Variants in MLF1 observed in about 807,000 individuals in gnomAD.
The protein encoded by MLF1 is myeloid leukemia factor 1, also known as myelodysplasia-myeloid leukemia factor 1.
Under a neutral mutation model 38.3 loss-of-function variants are expected in MLF1, and 37 were observed. That is an observed-to-expected ratio of 0.96 (90% CI 0.74 to 1.27). The LOEUF is 1.27. Among genes scored for constraint, MLF1 ranks in the 50% most tolerant of loss-of-function variants. The pLI is 0.00. For missense variants in MLF1, 331 were observed against 349.2 expected (o/e 0.95, Z 0.42); for synonymous variants, 95 against 106.5 (o/e 0.89, Z 0.66).
At chr3:158,571,481 C>A in intron 1 of MLF1, 134 bp downstream of exon 1, 2 of 1,081,164 alleles carry the variant, frequency 1.8e-6, no homozygotes, top group African/African-American at 1.6e-5. Flanking sequence ...TTGAAGGAGA[C>A]GAGGATTTGG....
intron 5 of MLF1, among the ~76,000 whole-genome samples, chr3:158,599,663 A>T (rs574248846): frequency 6.6e-6 from 1 of 152,304 alleles, no homozygotes; most frequent in Non-Finnish European, 1.5e-5. Flanking sequence ...CTGATGAATA[A>T]TTAGTTGCCC....
At chr3:158,591,582 T>C (rs1189996458) in intron 1 of MLF1, among the ~76,000 whole-genome samples, 1 of 152,150 alleles carries the variant, frequency 6.6e-6, no homozygotes, top group Non-Finnish European at 1.5e-5. Context: ...GGCCAGACTA[T>C]TGGAGAGGGA....
intron 1 of MLF1, among the ~76,000 whole-genome samples, chr3:158,590,033 T>A (rs1488408337): frequency 6.6e-6 from 1 of 152,188 alleles, no homozygotes; most frequent in Non-Finnish European, 1.5e-5. Context: ...CAAAATGTGG[T>A]AAAAACTGAA....
chr3:158,599,217 A>G (rs550468388), intron 5 of MLF1, among the ~76,000 whole-genome samples: 72 of 152,270 alleles, frequency 4.7e-4, no homozygotes, highest in African/African-American at 1.7e-3. Flanking sequence ...ATGGCTCCTT[A>G]TACAGAGTCT....
At chr3:158,582,813 C>A in intron 1 of MLF1, 1 of 657,678 alleles carries the variant, frequency 1.5e-6, no homozygotes, top group Non-Finnish European at 2.7e-6. Context: ...AATTTGTTGA[C>A]AGTAGACCTG....
Position 158,602,922 on chromosome 3 carries a change from C to T in MLF1, c.729C>T (p.Ser243=), listed in dbSNP as rs1318324347. 1 of 1,610,442 alleles carries T rather than the reference C, an allele frequency of 6.2e-7. No individual in the cohort carries two copies. The highest frequency in any genetic ancestry group is 8.5e-7 in the Non-Finnish European group (1 of 1,178,402). Reference sequence around the variant, plus strand: ...GTGTTGGCCATGAGAATCCTGGCTCCCGAGAACTTAAAAGAAGGTAAAAGT... The same window carrying T: ...GTGTTGGCCATGAGAATCCTGGCTCTCGAGAACTTAAAAGAAGGTAAAAGT... ...MRSVGHENPG[S]RELKRREKPQ... is the part of the protein sequence containing the mutation. Residue 243 remains serine, a synonymous_variant, in exon 7 of 8, where the codon TCC becomes TCT. Transcript: ENST00000466246.
At chr3:158,597,631 G>A (rs954301741) in intron 4 of MLF1, among the ~76,000 whole-genome samples, 4 of 152,226 alleles carry the variant, frequency 2.6e-5, no homozygotes, top group African/African-American at 7.2e-5. Flanking sequence ...TAGTAATGTA[G>A]CAATCTGGTA....
intron 1 of MLF1, among the ~76,000 whole-genome samples, chr3:158,577,525 A>G (rs1715647364): frequency 6.6e-6 from 1 of 152,234 alleles, no homozygotes; most frequent in Non-Finnish European, 1.5e-5. Context: ...TAAGACCCTG[A>G]ATACCTACTG....
At chr3:158,601,861 T>A (rs1350063940) in intron 6 of MLF1, among the ~76,000 whole-genome samples, 3 of 134,040 alleles carry the variant, frequency 2.2e-5, no homozygotes, top group Non-Finnish European at 4.6e-5. Context: ...CAGGCTGGAG[T>A]GCAGTGGTGC....
At chr3:158,602,315 T>C (rs886587525) in intron 6 of MLF1, among the ~76,000 whole-genome samples, 1 of 152,224 alleles carries the variant, frequency 6.6e-6, no homozygotes, top group Non-Finnish European at 1.5e-5. Flanking sequence ...TCTCTATTGT[T>C]GCTATTATGG....
At chr3:158,590,225 C>T (rs1717919157) in intron 1 of MLF1, among the ~76,000 whole-genome samples, 1 of 152,098 alleles carries the variant, frequency 6.6e-6, no homozygotes, top group South Asian at 2.1e-4. Context: ...AAAGACGGTT[C>T]TATCAAAGAA....
At position 158,597,394 on chromosome 3, in the gene MLF1, G is replaced by A. The variant is rs949205726; in HGVS notation, c.324+449G>A. 9.6e-4 allele frequency among the ~76,000 whole-genome samples: 140 copies of A among 146,168 alleles called. 2 individuals carry two copies. Among genetic ancestry groups the A allele is most frequent in the Non-Finnish European group, 3.5e-4 (23 of 66,322 alleles). The stretch of plus-strand genomic sequence containing the variant: ...TAAAAGGATTTGTAGCATCTGAAGA[G>A]TTTCAGGGTTTTATAAACGACTCTG... On this transcript the variant is annotated intron_variant, in intron 4 of 7. Transcript: ENST00000466246.
chr3:158,595,988 A>G (rs893342345), intron 3 of MLF1, among the ~76,000 whole-genome samples: 10 of 152,144 alleles, frequency 6.6e-5, no homozygotes, highest in Admixed American at 5.2e-4. Context: ...AATCAGTGGT[A>G]GATTTTCCTA....
At chr3:158,581,936 T>C (rs902525196) in intron 1 of MLF1, among the ~76,000 whole-genome samples, 2 of 152,110 alleles carry the variant, frequency 1.3e-5, no homozygotes, top group Non-Finnish European at 2.9e-5. Flanking sequence ...TCCCAGCACT[T>C]TGGGAGGCCA....
At chr3:158,589,603 T>C (rs1717824778) in intron 1 of MLF1, among the ~76,000 whole-genome samples, 1 of 152,248 alleles carries the variant, frequency 6.6e-6, no homozygotes, top group Non-Finnish European at 1.5e-5. Flanking sequence ...GAAGAACTTA[T>C]ACTCTAAAAG....
intron 1 of MLF1, among the ~76,000 whole-genome samples, chr3:158,578,876 G>C (rs891955299): frequency 3.3e-5 from 5 of 152,074 alleles, no homozygotes; most frequent in African/African-American, 1.2e-4. Context: ...TTTTGTTTCA[G>C]ATGTCCACAT....
At chr3:158,576,010 G>C (rs9846674) in intron 1 of MLF1, among the ~76,000 whole-genome samples, 1 of 152,032 alleles carries the variant, frequency 6.6e-6, no homozygotes, top group African/African-American at 2.4e-5. Context: ...TGGTTAAATT[G>C]TTAATTGCTT....
chr3:158,590,059 C>G (rs567518301), intron 1 of MLF1, among the ~76,000 whole-genome samples: 1 of 152,236 alleles, frequency 6.6e-6, no homozygotes, highest in African/African-American at 2.4e-5. Context: ...AACAAAGATT[C>G]ATGGTTGTGT....
chr3:158,576,392 A>G (rs899837682), intron 1 of MLF1, among the ~76,000 whole-genome samples: 3 of 152,226 alleles, frequency 2.0e-5, no homozygotes, highest in Non-Finnish European at 4.4e-5. Flanking sequence ...AACAATATGC[A>G]TATTGTTAAG....
Sources: gnomAD v4.1 joint callset for allele counts (sites outside exome capture counted in the v4.1 genomes callset) on GRCh38, gnomAD v4.1.1 for gene constraint, MANE v1.5 for transcripts, NCBI Gene and HGNC (gene_info 2026-07-23, HGNC 2026-07-21) for gene names.